Variants in RORA observed in about 807,000 individuals in gnomAD.
RORA encodes RAR related orphan receptor A.
Under a neutral mutation model 69.5 loss-of-function variants are expected in RORA, and 7 were observed. That is an observed-to-expected ratio of 0.10 (90% CI 0.06 to 0.19). RORA has a LOEUF of 0.19. Among genes scored for constraint, RORA ranks in the 10% least tolerant of loss-of-function variants. The pLI, the probability that RORA is intolerant of heterozygous loss-of-function variation, is 1.00. For synonymous variants in RORA, 261 were observed against 240.8 expected (o/e 1.08, Z -0.78); for missense variants, 457 against 663.0 (o/e 0.69, Z 3.41).
At chr15:60,847,934 G>A (rs2073284462) in intron 1 of RORA, 1 of 152,234 alleles carries the variant, frequency 6.6e-6, no homozygotes, top group Non-Finnish European at 1.5e-5. Context: ...TTAGCCCAGT[G>A]AGAACACAAC....
In RORA at chr15:60,764,943, GAAGC is replaced by G. The variant is rs2071961273; in HGVS notation, c.167-86261_167-86258del. On this transcript the variant is annotated intron_variant, in intron 1 of 10. Coordinates refer to ENST00000335670, the MANE Select transcript of RORA (RefSeq NM_134261.3). ...GAGATGGCTTCTGTGCCTGGAACCA[GAAGC>G]CTGTCCTCTCGGTGGTATGCCTCCA... 6.6e-5 allele frequency: 10 copies of G among 152,042 alleles called. 1 individual carries two copies. The South Asian group carries it at 1.9e-3, about 29-fold the overall frequency. 9.4% of individuals were successfully genotyped at this position (152,042 alleles called of 1,614,324 possible). A position where few individuals can be genotyped will look rare whatever the true frequency, so the allele number is the denominator to read the frequency against.
chr15:61,184,103 T>C (rs2079715755), intron 1 of RORA, among the ~76,000 whole-genome samples: 1 of 152,234 alleles, frequency 6.6e-6, no homozygotes, highest in Admixed American at 6.5e-5. Flanking sequence ...GATGTGAGAA[T>C]GTACTTGCTT....
intron 1 of RORA, among the ~76,000 whole-genome samples, chr15:60,686,460 T>C (rs1406311124): frequency 6.6e-6 from 1 of 152,256 alleles, no homozygotes; most frequent in Non-Finnish European, 1.5e-5. Context: ...GATTTCCTTT[T>C]ATTGAGTGTC....
At chr15:60,788,567 A>G (rs2072372724) in intron 1 of RORA, among the ~76,000 whole-genome samples, 1 of 152,208 alleles carries the variant, frequency 6.6e-6, no homozygotes, top group Non-Finnish European at 1.5e-5. Flanking sequence ...AAGCCGCCTC[A>G]GCAAATGCTG....
At chr15:60,963,076 G>A (rs1893458502) in intron 1 of RORA, among the ~76,000 whole-genome samples, 1 of 152,226 alleles carries the variant, frequency 6.6e-6, no homozygotes, top group African/African-American at 2.4e-5. Flanking sequence ...CTGTGTACCA[G>A]ACACTCAGAT....
Position 60,531,441 on chromosome 15 carries a change from GGAC to G in RORA, c.282+322_282+324del. 4.2e-6 allele frequency: 1 copy of G among 238,070 alleles called. No homozygotes were observed. Among genetic ancestry groups the G allele is most frequent in the Non-Finnish European group, 7.9e-6 (1 of 126,184 alleles). 14.7% of individuals were successfully genotyped at this position (238,070 alleles called of 1,614,324 possible). The stretch of plus-strand genomic sequence containing the variant: ...ATGTCTTTTTATAAGCTTATGACAG[GGAC>G]ATTGTAGAAGTCTGGAGTTAGCTCT... On this transcript the variant is annotated intron_variant, in intron 3 of 10. Coordinates refer to ENST00000335670, the MANE Select transcript of RORA (RefSeq NM_134261.3). This position sits in a 1 kb window ranked among gnomAD's most constrained non-coding sequence, Gnocchi z 4.8.
At chr15:61,035,306 T>C (rs1316934440) in intron 1 of RORA, among the ~76,000 whole-genome samples, 2 of 152,200 alleles carry the variant, frequency 1.3e-5, no homozygotes, top group African/African-American at 4.8e-5. Flanking sequence ...ATTTTGACAA[T>C]GTCTAGTTTC....
intron 1 of RORA, among the ~76,000 whole-genome samples, chr15:60,997,039 TTGTGTGTG>T (rs10687177): frequency 6.7e-6 from 1 of 148,330 alleles, no homozygotes; most frequent in African/African-American, 2.5e-5. Flanking sequence ...ATATTGGGGT[TTGTGTGTG>T]TGTGTGTGTG....
intron 2 of RORA, among the ~76,000 whole-genome samples, chr15:60,550,136 C>T (rs906065269): frequency 1.3e-5 from 2 of 152,122 alleles, no homozygotes; most frequent in African/African-American, 4.8e-5. Context: ...ACTAAAAATA[C>T]AAAAATTAGC....
rs778469309 is a variant in RORA, at chr15:60,623,321, G to C, written c.196+55336C>G. Among the ~76,000 whole-genome samples, 46 of 152,256 alleles carry C rather than the reference G, an allele frequency of 3.0e-4. 1 individual carries two copies. The highest frequency in any genetic ancestry group is 6.5e-4 in the African/African-American group (27 of 41,534). On this transcript the variant is annotated intron_variant, in intron 2 of 10. Coordinates refer to ENST00000335670, the MANE Select transcript of RORA (RefSeq NM_134261.3). ...AAAATTCTTTAGTAATGCCCAGGAG[G>C]GGGCAGTCAGCTTAGCAAGGATTTG...
At chr15:60,792,798 T>C (rs1013900023) in intron 1 of RORA, among the ~76,000 whole-genome samples, 3 of 152,140 alleles carry the variant, frequency 2.0e-5, no homozygotes, top group Non-Finnish European at 4.4e-5. Context: ...TTAAGGGAAA[T>C]GACACCAAAT....
At chr15:60,683,375 A>G (rs2140757619) in intron 1 of RORA, among the ~76,000 whole-genome samples, 1 of 152,270 alleles carries the variant, frequency 6.6e-6, no homozygotes, top group East Asian at 1.9e-4. Flanking sequence ...CTTCTAAGCT[A>G]TCAAGCCAAA....
At chr15:60,999,005 G>A (rs1375907065) in intron 1 of RORA, among the ~76,000 whole-genome samples, 1 of 152,074 alleles carries the variant, frequency 6.6e-6, no homozygotes, top group African/African-American at 2.4e-5. Context: ...AGGGGGAGAG[G>A]GGGATCCAGA....
chr15:61,105,356 C>T (rs1467706518), intron 1 of RORA, among the ~76,000 whole-genome samples: 1 of 152,174 alleles, frequency 6.6e-6, no homozygotes, highest in Admixed American at 6.5e-5. Flanking sequence ...TATATACTCA[C>T]TAAGTGTGTT....
chr15:60,929,974 T>C (rs1049330708), intron 1 of RORA, among the ~76,000 whole-genome samples: 7 of 152,194 alleles, frequency 4.6e-5, no homozygotes, highest in African/African-American at 1.4e-4. Context: ...GGTGCATGCC[T>C]CTGAACTTTC....
chr15:60,730,594 C>T (rs2071417063), intron 1 of RORA, among the ~76,000 whole-genome samples: 1 of 152,176 alleles, frequency 6.6e-6, no homozygotes, highest in Non-Finnish European at 1.5e-5. Context: ...ATTTTCTAGG[C>T]TACTTTCTGT....
intron 1 of RORA, among the ~76,000 whole-genome samples, chr15:61,024,058 A>G (rs1895675637): frequency 1.3e-5 from 2 of 152,156 alleles, no homozygotes; most frequent in Non-Finnish European, 2.9e-5. Flanking sequence ...CCAACCCTCT[A>G]TAAAGGCCAC....
chr15:61,189,382 T>C (rs1462420657), intron 1 of RORA, among the ~76,000 whole-genome samples: 1 of 152,200 alleles, frequency 6.6e-6, no homozygotes, highest in Non-Finnish European at 1.5e-5. Context: ...TCGGCAGCTA[T>C]GGGCTCTTGT....
At chr15:60,864,778 A>G (rs920116455) in intron 1 of RORA, among the ~76,000 whole-genome samples, 1 of 152,234 alleles carries the variant, frequency 6.6e-6, no homozygotes, top group Non-Finnish European at 1.5e-5. Flanking sequence ...CAGGAGCCCC[A>G]TGAAGAGGGT....
Sources: gnomAD v4.1 joint callset for allele counts (sites outside exome capture counted in the v4.1 genomes callset) on GRCh38, gnomAD v4.1.1 for gene constraint, Gnocchi (gnomAD v3.1) non-coding constraint, MANE v1.5 for transcripts, NCBI Gene and HGNC (gene_info 2026-07-23, HGNC 2026-07-21) for gene names.